Variants in BCKDHB observed in about 807,000 individuals in gnomAD.
BCKDHB encodes the protein branched chain keto acid dehydrogenase E1 subunit beta, also known as 2-oxoisovalerate dehydrogenase subunit beta, mitochondrial.
In BCKDHB, 41 loss-of-function variants were observed where a neutral mutation model predicts 48.5. The ratio of observed to expected loss-of-function variants is 0.85; its 90% confidence interval spans 0.66 to 1.10. BCKDHB has a LOEUF of 1.10. Ranked by LOEUF, BCKDHB falls within the 50% of genes least tolerant of loss-of-function variation. The pLI is 0.00. For missense variants in BCKDHB, 496 were observed against 494.2 expected, an observed-to-expected ratio of 1.00 and a Z score of -0.03; for synonymous variants, 201 against 174.8, an observed-to-expected ratio of 1.15 and a Z score of -1.18.
At chr6:80,462,104 C>A in the BCKDHB span, among the ~76,000 whole-genome samples, 1 of 152,064 alleles carries the variant, frequency 6.6e-6, no homozygotes, top group African/African-American at 2.4e-5. Flanking sequence ...CAACTATTAC[C>A]TTTAAGCATA....
intron 9 of BCKDHB, among the ~76,000 whole-genome samples, chr6:80,282,642 T>C (rs745516420): frequency 2.6e-5 from 4 of 152,128 alleles, no homozygotes; most frequent in Non-Finnish European, 4.4e-5. Context: ...AACTCACCTG[T>C]ATGCAAACCT....
intron 9 of BCKDHB, among the ~76,000 whole-genome samples, chr6:80,291,668 T>C (rs1369182426): frequency 6.6e-6 from 1 of 152,186 alleles, no homozygotes; most frequent in Non-Finnish European, 1.5e-5. Context: ...TTTTTTTTTC[T>C]GAGTAGCAGC....
rs986796660 is a variant in BCKDHB, at chr6:80,284,076, G to A, written c.1038+10855G>A. On this transcript the variant is annotated intron_variant, in intron 9 of 9. Transcript: ENST00000320393. Reference sequence around the variant, plus strand: ...ATGCCCTTTGTAGGCAATAATGTTGGTGATGTTGATAGCTCATTTTGGTTT... The same window carrying A: ...ATGCCCTTTGTAGGCAATAATGTTGATGATGTTGATAGCTCATTTTGGTTT... 5.8e-4 allele frequency among the ~76,000 whole-genome samples: 88 copies of A among 152,226 alleles called. 1 individual carries two copies. The highest frequency in any genetic ancestry group is 2.0e-3 in the African/African-American group (84 of 41,570).
At chr6:80,125,996 G>C (rs1260923727) in intron 1 of BCKDHB, among the ~76,000 whole-genome samples, 1 of 152,186 alleles carries the variant, frequency 6.6e-6, no homozygotes, top group South Asian at 2.1e-4. Context: ...GTAAGACAAA[G>C]TATGCCTGTA....
chr6:80,359,833 T>C, the BCKDHB span, among the ~76,000 whole-genome samples: 1 of 152,182 alleles, frequency 6.6e-6, no homozygotes, highest in African/African-American at 2.4e-5. Context: ...CCTTGTGATC[T>C]GCCCACCTTG....
At chr6:80,189,714 T>C (rs543717662) in intron 6 of BCKDHB, among the ~76,000 whole-genome samples, 34 of 152,300 alleles carry the variant, frequency 2.2e-4, no homozygotes, top group African/African-American at 7.7e-4. Flanking sequence ...ATTAGGTATT[T>C]AGTAATTTTT....
chr6:80,294,956 C>A (rs1179213582), intron 9 of BCKDHB, among the ~76,000 whole-genome samples: 31 of 152,116 alleles, frequency 2.0e-4, no homozygotes, highest in Non-Finnish European at 5.9e-5. Context: ...CCTTTTAAAG[C>A]CTGTGATCTT....
chr6:80,383,346 G>C, the BCKDHB span, among the ~76,000 whole-genome samples: 1 of 151,874 alleles, frequency 6.6e-6, no homozygotes, highest in South Asian at 2.1e-4. Context: ...AAGAATAATA[G>C]CACTGTTCTA....
At chr6:80,377,611 T>G in the BCKDHB span, among the ~76,000 whole-genome samples, 4 of 152,248 alleles carry the variant, frequency 2.6e-5, no homozygotes, top group Non-Finnish European at 4.4e-5. Flanking sequence ...ATGAATGGCC[T>G]GACACCCTTG....
At chr6:80,330,318 C>T (rs554608281) in intron 9 of BCKDHB, among the ~76,000 whole-genome samples, 24 of 152,170 alleles carry the variant, frequency 1.6e-4, no homozygotes, top group Non-Finnish European at 3.2e-4. Context: ...CCACACCCTA[C>T]TTCCTGTCTT....
chr6:80,108,014 G>A (rs1769216046), intron 1 of BCKDHB, among the ~76,000 whole-genome samples: 1 of 152,044 alleles, frequency 6.6e-6, no homozygotes, highest in Non-Finnish European at 1.5e-5. Flanking sequence ...TGCTTACCAG[G>A]GTCAGGTGCT....
In BCKDHB at chr6:80,307,864, A is replaced by G. The variant is rs1463797729; in HGVS notation, c.1038+34643A>G. 8.2e-6 allele frequency: 8 copies of G among 976,090 alleles called. No individual in the cohort carries two copies. In the African/African-American group the frequency reaches 1.4e-4, roughly 17 times the overall value. The allele number at this position is 976,090 out of a possible 1,614,324, so 60.5% of individuals were successfully genotyped here. On this transcript the variant is annotated intron_variant, in intron 9 of 9. Coordinates refer to ENST00000320393, the MANE Select transcript of BCKDHB (RefSeq NM_183050.4). ...TGTTTTGGACTACTTAACACTGCAA[A>G]TGCAACTTCAAATAATTAAATTAAA... is the stretch of plus-strand genomic sequence containing the variant.
intron 8 of BCKDHB, among the ~76,000 whole-genome samples, chr6:80,209,546 A>T (rs1774823623): frequency 6.6e-6 from 1 of 152,016 alleles, no homozygotes; most frequent in Non-Finnish European, 1.5e-5. Context: ...TGGTTATCTG[A>T]TTCAGGACAA....
At chr6:80,424,205 T>C in the BCKDHB span, among the ~76,000 whole-genome samples, 1 of 152,180 alleles carries the variant, frequency 6.6e-6, no homozygotes, top group Non-Finnish European at 1.5e-5. Flanking sequence ...AGAAGCTATT[T>C]AGTGAGAAGT....
chr6:80,397,572 T>A, the BCKDHB span, among the ~76,000 whole-genome samples: 1 of 152,156 alleles, frequency 6.6e-6, no homozygotes, highest in African/African-American at 2.4e-5. Flanking sequence ...TTTAAAAAAA[T>A]TAACTTCAAG....
At chr6:80,111,732 T>C (rs1769420751) in intron 1 of BCKDHB, among the ~76,000 whole-genome samples, 1 of 152,200 alleles carries the variant, frequency 6.6e-6, no homozygotes, top group African/African-American at 2.4e-5. Context: ...CTAAAAAATG[T>C]CTATGGTTTT....
At chr6:80,227,935 A>T (rs1775748861) in intron 8 of BCKDHB, among the ~76,000 whole-genome samples, 1 of 152,168 alleles carries the variant, frequency 6.6e-6, no homozygotes, top group Admixed American at 6.5e-5. Context: ...TGATTGTGGG[A>T]TGAAAGAGTG....
chr6:80,246,095 G>A (rs1776600453), intron 8 of BCKDHB, among the ~76,000 whole-genome samples: 2 of 152,076 alleles, frequency 1.3e-5, no homozygotes, highest in Non-Finnish European at 2.9e-5. Flanking sequence ...ATAAATGGAT[G>A]AATGAGAGAA....
chr6:80,396,245 C>G, the BCKDHB span, among the ~76,000 whole-genome samples: 14 of 152,304 alleles, frequency 9.2e-5, no homozygotes, highest in Non-Finnish European at 1.9e-4. Context: ...AATGCCAGCC[C>G]AAGAAAGCAG....
Sources: allele counts gnomAD v4.1 joint callset (sites outside exome capture counted in the v4.1 genomes callset), GRCh38; gene constraint gnomAD v4.1.1; transcripts MANE v1.5; gene names NCBI Gene and HGNC (gene_info 2026-07-23, HGNC 2026-07-21).